Variants in ACYP2 observed in about 807,000 individuals in gnomAD.
The protein encoded by ACYP2 is acylphosphatase 2.
In ACYP2, 12 loss-of-function variants were observed where a neutral mutation model predicts 11.2. That is an observed-to-expected ratio of 1.08 (90% CI 0.69 to 1.74). The LOEUF is 1.74. ACYP2 is among the 40% of genes most tolerant of loss of function. ACYP2 has a pLI of 0.00. For missense variants in ACYP2, 134 were observed against 101.9 expected (o/e 1.31, Z -1.35); for synonymous variants, 43 against 32.2 (o/e 1.33, Z -1.13).
chr2:54,129,262 C>T (rs1035182900), intron 4 of ACYP2, among the ~76,000 whole-genome samples: 127 of 152,080 alleles, frequency 8.4e-4, no homozygotes, highest in African/African-American at 2.7e-3. Flanking sequence ...GGATTTTAAT[C>T]ATTAGGGATT....
chr2:54,229,921 C>T (rs563503632), intron 6 of ACYP2, among the ~76,000 whole-genome samples: 38 of 152,266 alleles, frequency 2.5e-4, no homozygotes, highest in Middle Eastern at 3.4e-3. Context: ...TTATTGAGGT[C>T]TAAGCTCTGA....
chr2:53,979,081 A>G (rs12997367), intron 2 of ACYP2, among the ~76,000 whole-genome samples: 1 of 152,250 alleles, frequency 6.6e-6, no homozygotes, highest in South Asian at 2.1e-4. Context: ...AGGTAACTGT[A>G]AAACAGCCTC....
intron 2 of ACYP2, among the ~76,000 whole-genome samples, chr2:54,019,071 G>T (rs1375725318): frequency 1.4e-5 from 2 of 141,800 alleles, no homozygotes; most frequent in Non-Finnish European, 3.1e-5. Flanking sequence ...TTATTATTAT[G>T]TTTTTTTTTT....
intron 6 of ACYP2, among the ~76,000 whole-genome samples, chr2:54,237,733 CT>C (rs995305885): frequency 6.6e-6 from 1 of 152,012 alleles, no homozygotes; most frequent in African/African-American, 2.4e-5. Context: ...TTGTGCTTTT[CT>C]TTTTCCTTAT....
chr2:54,013,012 G>A (rs1262888745), intron 2 of ACYP2, among the ~76,000 whole-genome samples: 1 of 151,970 alleles, frequency 6.6e-6, no homozygotes, highest in Non-Finnish European at 1.5e-5. Flanking sequence ...ACCTCAAGAC[G>A]TGCACTGTCG....
rs532600479 is a variant in ACYP2 at position 54,074,759 on chromosome 2, G to T, written c.277+17399G>T. On this transcript the variant is annotated intron_variant, in intron 4 of 6. Coordinates refer to ENST00000607452, the MANE Select transcript of ACYP2 (RefSeq NM_001320586.2). ...CAAAATCTGCAGGGTGGGCCAGCAG[G>T]CTAGAGATGCAGGGATGAGTCAATG... 1.2e-4 allele frequency among the ~76,000 whole-genome samples: 19 copies of T among 152,268 alleles called. No individual in the cohort carries two copies. The East Asian group carries it at 1.9e-3, about 15-fold the overall frequency.
At chr2:54,101,074 A>G (rs1408504879) in intron 4 of ACYP2, among the ~76,000 whole-genome samples, 2 of 152,194 alleles carry the variant, frequency 1.3e-5, no homozygotes, top group African/African-American at 4.8e-5. Flanking sequence ...GCTCACCACA[A>G]CAGGGAGCTG....
chr2:54,105,502 AG>A (rs1289763865), intron 4 of ACYP2, among the ~76,000 whole-genome samples: 2 of 151,892 alleles, frequency 1.3e-5, no homozygotes, highest in Non-Finnish European at 2.9e-5. Flanking sequence ...TTTTTGAGGC[AG>A]GGTCTCGTTT....
At chr2:54,090,131 T>A (rs1369967428) in intron 4 of ACYP2, among the ~76,000 whole-genome samples, 1 of 147,982 alleles carries the variant, frequency 6.8e-6, no homozygotes, top group African/African-American at 2.5e-5. Flanking sequence ...AGCGACAGAA[T>A]GATACTCCGT....
At chr2:54,110,556 G>A (rs1390607141) in intron 4 of ACYP2, among the ~76,000 whole-genome samples, 1 of 152,126 alleles carries the variant, frequency 6.6e-6, no homozygotes, top group African/African-American at 2.4e-5. Flanking sequence ...TGAGACCTGG[G>A]ACTGAAAACA....
intron 6 of ACYP2, among the ~76,000 whole-genome samples, chr2:54,219,905 A>ATATATATTTTTTT (rs1288814375): frequency 3.9e-5 from 3 of 76,000 alleles, no homozygotes; most frequent in African/African-American, 5.6e-5. Context: ...ATATATATAT[A>ATATATATTTTTTT]TTTTTTTTTT....
chr2:54,202,706 C>CTTT lies in ACYP2; in HGVS notation c.404+63997_404+63999dup, dbSNP rs70944152. ...TACAGGTGTGAGCCACGGCGCCTGG[C>CTTT]TTTTTTTTTTTTTTTTTTTTTTTTT... On this transcript the variant is annotated intron_variant, in intron 6 of 6. Coordinates refer to ENST00000607452, the MANE Select transcript of ACYP2 (RefSeq NM_001320586.2). 3.5e-4 allele frequency among the ~76,000 whole-genome samples: 15 copies of CTTT among 43,082 alleles called. 7 individuals are homozygous for CTTT. In the East Asian group the frequency reaches 3.7e-3, roughly 11 times the overall value. 28.3% of individuals were successfully genotyped at this position (43,082 alleles called of 152,430 possible). A position where few individuals can be genotyped will look rare whatever the true frequency, so the allele number is the denominator to read the frequency against.
chr2:54,007,014 A>T (rs1673099757), intron 2 of ACYP2, among the ~76,000 whole-genome samples: 1 of 151,480 alleles, frequency 6.6e-6, no homozygotes, highest in African/African-American at 2.4e-5. Context: ...AATCCCAGCT[A>T]CTCGGTAGGC....
At chr2:54,302,402 C>T (rs1019211067) in intron 6 of ACYP2, among the ~76,000 whole-genome samples, 1 of 152,158 alleles carries the variant, frequency 6.6e-6, no homozygotes, top group Non-Finnish European at 1.5e-5. Flanking sequence ...GCTCCCTGGG[C>T]ACCAGTTTTT....
intron 6 of ACYP2, among the ~76,000 whole-genome samples, chr2:54,165,367 G>A (rs964909182): frequency 4.6e-5 from 7 of 152,018 alleles, no homozygotes; most frequent in Non-Finnish European, 1.0e-4. Context: ...TTCCAAAGCT[G>A]GCCATTCATT....
At chr2:54,239,902 CTTT>C (rs1469899342) in intron 6 of ACYP2, among the ~76,000 whole-genome samples, 5 of 150,406 alleles carry the variant, frequency 3.3e-5, no homozygotes, top group Non-Finnish European at 7.4e-5. Flanking sequence ...CTATTCACTT[CTTT>C]ATTTTTAAAA....
rs200147967 is a variant in ACYP2, at chr2:54,106,448, C to T, written c.278-29005C>T. Among the ~76,000 whole-genome samples, 7 of 152,206 alleles carry T rather than the reference C, an allele frequency of 4.6e-5. No homozygotes were observed. The East Asian group carries it at 7.7e-4, about 17-fold the overall frequency. On this transcript the variant is annotated intron_variant, in intron 4 of 6. Coordinates refer to ENST00000607452, the MANE Select transcript of ACYP2 (RefSeq NM_001320586.2). ...TACTGCAAAAAGCTTCCTATGTCCA[C>T]GTAAAAACCATCTTATTTACTTAAC...
At chr2:54,025,505 G>A (rs1407330883) in intron 2 of ACYP2, among the ~76,000 whole-genome samples, 1 of 152,120 alleles carries the variant, frequency 6.6e-6, no homozygotes, top group Non-Finnish European at 1.5e-5. Flanking sequence ...AAATGGTGCT[G>A]GGATAATTAG....
chr2:53,999,370 A>G (rs1481817577), intron 2 of ACYP2, among the ~76,000 whole-genome samples: 2 of 152,228 alleles, frequency 1.3e-5, no homozygotes, highest in Non-Finnish European at 2.9e-5. Context: ...CCAAGTTACC[A>G]AAACATGCCC....
Sources: allele counts gnomAD v4.1 joint callset (sites outside exome capture counted in the v4.1 genomes callset), GRCh38; gene constraint gnomAD v4.1.1; transcripts MANE v1.5; gene names NCBI Gene and HGNC (gene_info 2026-07-23, HGNC 2026-07-21).